TRPC5: variants seen among roughly 807,000 people sequenced by gnomAD.
TRPC5 encodes short transient receptor potential channel 5.
TRPC5 carries 9 observed loss-of-function variants against 56.5 expected under a neutral mutation model. The ratio of observed to expected loss-of-function variants is 0.16; its 90% confidence interval spans 0.10 to 0.28. The LOEUF (loss-of-function observed/expected upper bound fraction) is 0.28. Ranked by LOEUF, TRPC5 falls within the 10% of genes least tolerant of loss-of-function variation. The pLI, the probability that TRPC5 is intolerant of heterozygous loss-of-function variation, is 1.00. For missense variants in TRPC5, 469 were observed against 748.9 expected, an observed-to-expected ratio of 0.63 and a Z score of 4.36; for synonymous variants, 282 against 278.5, an observed-to-expected ratio of 1.01 and a Z score of -0.13.
intron 3 of TRPC5, among the ~76,000 whole-genome samples, chrX:111,862,869 T>G (rs192347192): frequency 2.9e-4 from 32 of 112,271 alleles, no homozygotes; most frequent in African/African-American, 9.4e-4. Context: ...TGTTTTCTGG[T>G]TTTTTTCAGT....
At chrX:111,812,657 G>A (rs181013432) in intron 7 of TRPC5, among the ~76,000 whole-genome samples, 134 of 111,590 alleles carry the variant, frequency 1.2e-3, no homozygotes, top group African/African-American at 2.7e-3. Flanking sequence ...TACAATTGGA[G>A]TACAGCGGTA....
chrX:111,881,973 C>T (rs1374473484), intron 3 of TRPC5: 1 of 110,963 alleles, frequency 9.0e-6, no homozygotes, highest in East Asian at 2.8e-4. Context: ...CTTCTGGCTG[C>T]AAAGAGCCTA....
At chrX:111,953,814 C>T (rs1927157808) in intron 1 of TRPC5, among the ~76,000 whole-genome samples, 1 of 112,435 alleles carries the variant, frequency 8.9e-6, no homozygotes, top group South Asian at 3.7e-4. Context: ...AGAGGCCTAC[C>T]TTATATCAAG....
At chrX:111,933,191 T>A (rs1388426052) in intron 2 of TRPC5, among the ~76,000 whole-genome samples, 1 of 111,881 alleles carries the variant, frequency 8.9e-6, no homozygotes, top group Non-Finnish European at 1.9e-5. Flanking sequence ...CAGAATAGTG[T>A]TTGGTGGGCT....
At chrX:111,931,494 G>T (rs1391258049) in intron 2 of TRPC5, among the ~76,000 whole-genome samples, 1 of 111,653 alleles carries the variant, frequency 9.0e-6, no homozygotes, top group African/African-American at 3.3e-5. Context: ...ATTTTGCTTG[G>T]GTAGACAAAG....
In TRPC5 at chrX:111,905,776, G is replaced by T. The variant is rs760535403; in HGVS notation, c.900+6515C>A. Among the ~76,000 whole-genome samples the T allele has an allele frequency of 3.1e-3, 339 of 109,602 alleles. 1 individual carries two copies. Among genetic ancestry groups the T allele is most frequent in the Non-Finnish European group, 5.6e-3 (293 of 52,610 alleles). On this transcript the variant is annotated intron_variant, in intron 3 of 10. Coordinates refer to ENST00000262839, the MANE Select transcript of TRPC5 (RefSeq NM_012471.3). ...AAAAATACAAAAAAATTAGCTGGGCGTGGTGGCGGGCGCCTGTAGTCCCAG... is the reference window on the plus strand; with the variant it reads ...AAAAATACAAAAAAATTAGCTGGGCTTGGTGGCGGGCGCCTGTAGTCCCAG...
At chrX:111,950,712 T>C (rs1165846900) in intron 2 of TRPC5, among the ~76,000 whole-genome samples, 2 of 112,182 alleles carry the variant, frequency 1.8e-5, no homozygotes, top group Non-Finnish European at 1.9e-5. Flanking sequence ...CACCCCTCAC[T>C]TTCCCTTAAC....
At chrX:112,069,596 C>A (rs1252745821) in intron 1 of TRPC5, among the ~76,000 whole-genome samples, 2 of 112,169 alleles carry the variant, frequency 1.8e-5, no homozygotes, top group Non-Finnish European at 3.8e-5. Context: ...CCAGTGGGCA[C>A]CTTTTTAGGA....
At chrX:112,022,642 T>A (rs1361962923) in intron 1 of TRPC5, among the ~76,000 whole-genome samples, 1 of 111,934 alleles carries the variant, frequency 8.9e-6, no homozygotes, top group African/African-American at 3.2e-5. Flanking sequence ...AAAGGCATGG[T>A]TATGAGAGGA....
intron 3 of TRPC5, among the ~76,000 whole-genome samples, chrX:111,869,650 A>G (rs1279293639): frequency 5.3e-5 from 6 of 112,369 alleles, no homozygotes; most frequent in African/African-American, 9.7e-5. Context: ...AATTAGCCCA[A>G]TGGGGTTTCC....
At chrX:111,926,600 C>T (rs1217659593) in intron 2 of TRPC5, among the ~76,000 whole-genome samples, 1 of 111,596 alleles carries the variant, frequency 9.0e-6, no homozygotes. Flanking sequence ...GTCTTAGCAA[C>T]GAGCAGTGAT....
chrX:111,847,413 C>T lies in TRPC5; in HGVS notation c.1401G>A (p.Glu467=), dbSNP rs754224005. The change falls in exon 6 of 11, where the codon GAG becomes GAA. Residue 467 remains glutamate, a synonymous_variant. Coordinates refer to ENST00000262839, the MANE Select transcript of TRPC5 (RefSeq NM_012471.3). ...GAGTCGGGTGCCACATTTCCCATTCCTCCCTTGGACGAGAACCATTATACT... is the reference window on the plus strand; with the variant it reads ...GAGTCGGGTGCCACATTTCCCATTCTTCCCTTGGACGAGAACCATTATACT... The part of the protein sequence containing the change: ...YVKYNGSRPR[E]EWEMWHPTLI... The T allele has an allele frequency of 5.8e-6, 7 of 1,208,230 alleles. No individual in the cohort carries two copies. The highest frequency in any genetic ancestry group is 5.6e-6 in the Non-Finnish European group (5 of 894,575).
intron 1 of TRPC5, among the ~76,000 whole-genome samples, chrX:111,969,020 TAAAAA>T (rs1927701638): frequency 1.1e-5 from 1 of 90,897 alleles, no homozygotes; most frequent in Non-Finnish European, 2.2e-5. Context: ...TAAAATAAAA[TAAAAA>T]CAACAAAAAA....
At chrX:111,947,392 A>AGT (rs1214195754) in intron 2 of TRPC5, among the ~76,000 whole-genome samples, 3 of 111,397 alleles carry the variant, frequency 2.7e-5, no homozygotes, top group African/African-American at 9.8e-5. Context: ...GCTGGAGTAT[A>AGT]GTGGTGCGAT....
chrX:111,955,981 G>C (rs1340881547), intron 1 of TRPC5, among the ~76,000 whole-genome samples: 1 of 112,539 alleles, frequency 8.9e-6, no homozygotes, highest in Non-Finnish European at 1.9e-5. Context: ...ATTAAGAATT[G>C]TCTAACAGGC....
intron 1 of TRPC5, among the ~76,000 whole-genome samples, chrX:112,008,320 G>A (rs1928895346): frequency 8.9e-6 from 1 of 111,918 alleles, no homozygotes; most frequent in South Asian, 3.8e-4. Context: ...GGCTGGGCGC[G>A]GTGGCTCATG....
chrX:112,070,851 C>T (rs1461893514), intron 1 of TRPC5, among the ~76,000 whole-genome samples: 2 of 111,040 alleles, frequency 1.8e-5, no homozygotes, highest in Non-Finnish European at 3.8e-5. Flanking sequence ...ATTCCTTTTG[C>T]CACCTATTGA....
intron 1 of TRPC5, among the ~76,000 whole-genome samples, chrX:112,055,632 A>G (rs1023511479): frequency 1.8e-5 from 2 of 109,420 alleles, no homozygotes; most frequent in Non-Finnish European, 3.8e-5. Context: ...ATTTTTAAAT[A>G]TGGTTAATTT....
intron 3 of TRPC5, among the ~76,000 whole-genome samples, chrX:111,904,639 G>C (rs866024651): frequency 1.8e-5 from 2 of 110,781 alleles, no homozygotes; most frequent in Non-Finnish European, 3.8e-5. Flanking sequence ...GTTGGGGGCT[G>C]GGGTGGGGAG....
Sources: gnomAD v4.1 joint callset for allele counts (sites outside exome capture counted in the v4.1 genomes callset) on GRCh38, gnomAD v4.1.1 for gene constraint, MANE v1.5 for transcripts, NCBI Gene and HGNC (gene_info 2026-07-23, HGNC 2026-07-21) for gene names.